Variants in CREB3L4 observed in about 807,000 individuals in gnomAD.
The protein encoded by CREB3L4 is cAMP responsive element binding protein 3 like 4.
CREB3L4 carries 28 observed loss-of-function variants against 37.0 expected under a neutral mutation model. That is an observed-to-expected ratio of 0.76 (90% CI 0.56 to 1.04). The LOEUF (loss-of-function observed/expected upper bound fraction) is 1.04. Among genes scored for constraint, CREB3L4 ranks in the 50% least tolerant of loss-of-function variants. The pLI, the probability that CREB3L4 is intolerant of heterozygous loss-of-function variation, is 0.00. For missense variants in CREB3L4, 462 were observed against 486.0 expected (o/e 0.95, Z 0.46); for synonymous variants, 175 against 192.2 (o/e 0.91, Z 0.74).
At chr1:153,973,534 T>C in intron 8 of CREB3L4, 70 bp downstream of exon 8, 4 of 1,570,986 alleles carry the variant, frequency 2.5e-6, no homozygotes, top group Non-Finnish European at 1.8e-6. Context: ...CCCGGCCAGA[T>C]CTACTTCCCA....
chr1:153,971,776 CA>C (rs1648403600), intron 4 of CREB3L4, among the ~76,000 whole-genome samples: 1 of 151,954 alleles, frequency 6.6e-6, no homozygotes, highest in African/African-American at 2.4e-5. Flanking sequence ...AAACCATGAG[CA>C]GGCAAAAACC....
intron 8 of CREB3L4, 33 bp downstream of exon 8, chr1:153,973,497 C>T (rs368450287): frequency 6.9e-6 from 11 of 1,596,234 alleles, no homozygotes; most frequent in East Asian, 2.2e-5. Context: ...CATCTCCCCC[C>T]ACACTTCTAT....
rs1441727950 is a variant in CREB3L4 at position 153,968,625 on chromosome 1, C to A, written c.100C>A (p.Pro34Thr). 6.2e-7 allele frequency: 1 copy of A among 1,613,938 alleles called. No homozygotes were observed. Among genetic ancestry groups the A allele is most frequent in the East Asian group, 2.2e-5 (1 of 44,882 alleles). Reference sequence around the variant, plus strand: ...CCTGGAGCTGGGACTCCACTGCCCCCCTCCAGAGGTTCCGGTAACTAGGCT... The same window carrying A: ...CCTGGAGCTGGGACTCCACTGCCCCACTCCAGAGGTTCCGGTAACTAGGCT... The part of the protein sequence containing the change: ...SVLELGLHCP[P>T]PEVPVTRLQE... The change falls in exon 2 of 10, where the codon CCT becomes ACT. Residue 34 changes from proline to threonine, a missense_variant. Pro to Thr is a conservative substitution (Grantham distance 38). Transcript: ENST00000368607.
chr1:153,970,139 G>A (rs887061662), intron 4 of CREB3L4, among the ~76,000 whole-genome samples: 7 of 151,984 alleles, frequency 4.6e-5, no homozygotes, highest in Admixed American at 2.6e-4. Flanking sequence ...ATATTGGCCA[G>A]GCTGGTCTTG....
chr1:153,971,581 CTTTTTCTTTTT>C (rs1459609347), intron 4 of CREB3L4, among the ~76,000 whole-genome samples: 2 of 113,678 alleles, frequency 1.8e-5, no homozygotes, highest in African/African-American at 3.0e-5. Context: ...TTTTCTTTTT[CTTTTTCTTTTT>C]TTTTTTTTTT....
chr1:153,969,530 G>A, intron 4 of CREB3L4, 75 bp downstream of exon 4: 1 of 1,547,344 alleles, frequency 6.5e-7, no homozygotes, highest in African/African-American at 1.4e-5. Context: ...AAGGGATGAG[G>A]GAATGGAAAC....
At position 153,973,381 on chromosome 1, in the gene CREB3L4, T is replaced by A. The variant is rs765472286; in HGVS notation, c.814T>A (p.Ser272Thr). Residue 272 changes from serine (S) to threonine (T), a missense_variant and splice_region_variant, in exon 8 of 10, where the codon TCC becomes ACC. Transcript: ENST00000368607. ...KVQELERHNI[S>T]LVAQLRQLQT... ...AACTCTTCATTCCTCCTTTCCCAGC[T>A]CCTTGGTAGCTCAGCTCCGCCAGCT... 3.7e-6 allele frequency: 6 copies of A among 1,613,950 alleles called. No homozygotes were observed. The South Asian group carries it at 4.4e-5, about 12-fold the overall frequency.
At chr1:153,968,477 A>G (rs1647982616) in intron 1 of CREB3L4, 45 bp from the exon 2 acceptor site, 9 of 1,579,062 alleles carry the variant, frequency 5.7e-6, no homozygotes, top group Non-Finnish European at 7.8e-6. Flanking sequence ...GTAAGCAGCC[A>G]TCATTCCGTT....
rs753981486 is a variant in CREB3L4, at chr1:153,969,330, C to T, written c.422-4C>T. On this transcript the variant is annotated splice_region_variant and splice_polypyrimidine_tract_variant and intron_variant, in intron 3 of 9. Transcript: ENST00000368607. The stretch of plus-strand genomic sequence containing the variant: ...TTCTCCCAGCTACCTGTTTTCTACT[C>T]CAGATCAGTGGAGCCCAGCATTTAT... 6 of 1,614,100 alleles carry T rather than the reference C, an allele frequency of 3.7e-6. No individual in the cohort carries two copies. The highest frequency in any genetic ancestry group is 5.1e-6 in the Non-Finnish European group (6 of 1,180,050).
intron 4 of CREB3L4, 148 bp from the exon 5 acceptor site, chr1:153,972,596 C>A (rs1261963117): frequency 4.8e-6 from 3 of 630,690 alleles, no homozygotes; most frequent in Non-Finnish European, 8.4e-6. Context: ...GAATTAAAGT[C>A]TCTGCCCCTC....
rs1188152238 is a variant in CREB3L4 at position 153,971,179 on chromosome 1, C to T, written c.544-1565C>T. Among the ~76,000 whole-genome samples, 3 of 150,314 alleles carry T rather than the reference C, an allele frequency of 2.0e-5. No homozygotes were observed. The South Asian group carries it at 6.5e-4, about 32-fold the overall frequency. ...GGTCAGGAGTTCGAGACCAGCCTGG[C>T]CAACATGGTGAAACCCCATCTCTAC... On this transcript the variant is annotated intron_variant, in intron 4 of 9. Transcript: ENST00000368607.
chr1:153,968,555 C>T lies in CREB3L4; in HGVS notation c.30C>T (p.Asp10=), dbSNP rs370973146. 1.2e-6 allele frequency: 2 copies of T among 1,613,858 alleles called. No homozygotes were observed. Among genetic ancestry groups the T allele is most frequent in the African/African-American group, 2.7e-5 (2 of 74,882 alleles). ...ATCTCGGAATCCCTGACCTGCTGGA[C>T]GCGTGGCTGGAGCCCCCAGAGGATA... MDLGIPDLL[D]AWLEPPEDIF... The change falls in exon 2 of 10, where the codon GAC becomes GAT. Residue 10 remains aspartate (D), a synonymous_variant. Coordinates refer to ENST00000368607, the MANE Select transcript of CREB3L4 (RefSeq NM_001255978.2).
chr1:153,969,480 C>T (rs778407389), intron 4 of CREB3L4, 25 bp downstream of exon 4: 198 of 1,612,608 alleles, frequency 1.2e-4, no homozygotes, highest in Non-Finnish European at 1.6e-4. Context: ...CAGCCAGAAC[C>T]ACTACTCCTT....
rs1403343749 is a variant in CREB3L4 at position 153,973,993 on chromosome 1, G to A, written c.1116G>A (p.Leu372=). 1.2e-6 allele frequency: 2 copies of A among 1,614,218 alleles called. No individual in the cohort carries two copies. Among genetic ancestry groups the A allele is most frequent in the South Asian group, 2.2e-5 (2 of 91,090 alleles). The stretch of plus-strand genomic sequence containing the variant: ...ATGCAAATGGCTCAACAAGGACACT[G>A]CTTGAGAAGATGGGAGGGAAGCCAA... ...AKDANGSTRT[L]LEKMGGKPRP... Residue 372 remains leucine (L), a synonymous_variant, in exon 10 of 10, where the codon CTG becomes CTA. Transcript: ENST00000368607.
In CREB3L4 at chr1:153,969,505, C is replaced by G. The variant is rs201974784; in HGVS notation, c.543+50C>G. The G allele has an allele frequency of 4.4e-6, 7 of 1,598,490 alleles. No homozygotes were observed. In the African/African-American group the frequency reaches 9.4e-5, roughly 21 times the overall value. On this transcript the variant is annotated intron_variant, in intron 4 of 9. Coordinates refer to ENST00000368607, the MANE Select transcript of CREB3L4 (RefSeq NM_001255978.2). ...CACTACTCCTTGATACATATATAAT[C>G]ACACAGACAGAGCAAAGGGATGAGG...
intron 4 of CREB3L4, among the ~76,000 whole-genome samples, chr1:153,971,591 T>C (rs1042638531): frequency 3.8e-4 from 57 of 148,280 alleles, no homozygotes; most frequent in African/African-American, 1.1e-3. Flanking sequence ...CTTTTTCTTT[T>C]TTTTTTTTTT....
In CREB3L4 at chr1:153,968,966, C is replaced by A. The variant is rs368362471; in HGVS notation, c.211C>A (p.Leu71Ile). 1.2e-4 allele frequency: 186 copies of A among 1,613,282 alleles called. No individual in the cohort carries two copies. The highest frequency in any genetic ancestry group is 1.5e-4 in the Non-Finnish European group (182 of 1,179,616). The change falls in exon 3 of 10, where the codon CTT becomes ATT. Residue 71 changes from leucine (L) to isoleucine (I), a missense_variant. Physicochemically the swap from Leu to Ile is conservative, Grantham distance 5. Coordinates refer to ENST00000368607, the MANE Select transcript of CREB3L4 (RefSeq NM_001255978.2). Reference protein sequence around the residue: ...QESEPEDFLKLFIDPNEVYCS... With the variant: ...QESEPEDFLKIFIDPNEVYCS... ...GAGTGAGCCTGAAGATTTCTTGAAG[C>A]TTTTCATTGATCCCAATGAGGTGTA...
At chr1:153,969,555 C>T (rs1324801396) in intron 4 of CREB3L4, 100 bp downstream of exon 4, 1 of 1,418,570 alleles carries the variant, frequency 7.0e-7, no homozygotes, top group Admixed American at 2.0e-5. Flanking sequence ...GATGAACTGC[C>T]TTTGCCCCGG....
At chr1:153,972,313 G>A (rs893130266) in intron 4 of CREB3L4, among the ~76,000 whole-genome samples, 1 of 152,198 alleles carries the variant, frequency 6.6e-6, no homozygotes, top group Non-Finnish European at 1.5e-5. Flanking sequence ...GGAGCTCCCT[G>A]AGGTTGACGG....
Sources: gnomAD v4.1 joint callset for allele counts (sites outside exome capture counted in the v4.1 genomes callset) on GRCh38, gnomAD v4.1.1 for gene constraint, MANE v1.5 for transcripts, NCBI Gene and HGNC (gene_info 2026-07-23, HGNC 2026-07-21) for gene names.